Variants in MYRIP observed in about 807,000 individuals in gnomAD.
MYRIP encodes rab effector MyRIP.
A neutral mutation model predicts 98.0 loss-of-function variants in MYRIP; 49 were observed. The ratio of observed to expected loss-of-function variants is 0.50; its 90% CI spans 0.40 to 0.63. The LOEUF (loss-of-function observed/expected upper bound fraction) is 0.63, where lower values mean the gene tolerates loss of function less well. Ranked by LOEUF, MYRIP falls within the 30% of genes least tolerant of loss-of-function variation. The pLI, the probability that MYRIP is intolerant of heterozygous loss-of-function variation, is 0.00. For missense variants in MYRIP, 1,004 were observed against 1,058.2 expected (o/e 0.95, Z 0.71); for synonymous variants, 404 against 409.5 (o/e 0.99, Z 0.16).
At chr3:40,074,607 C>A (rs1230496643) in intron 3 of MYRIP, among the ~76,000 whole-genome samples, 1 of 151,802 alleles carries the variant, frequency 6.6e-6, no homozygotes, top group Non-Finnish European at 1.5e-5. Flanking sequence ...CCAAGGAAAG[C>A]AGAAAAAATG....
At chr3:40,175,048 G>A (rs1950718531) in intron 8 of MYRIP, among the ~76,000 whole-genome samples, 1 of 152,112 alleles carries the variant, frequency 6.6e-6, no homozygotes, top group African/African-American at 2.4e-5. Context: ...GGCTGAGGCA[G>A]GAGAATGGCA....
At chr3:40,096,668 G>A (rs963777137) in intron 3 of MYRIP, among the ~76,000 whole-genome samples, 1 of 152,178 alleles carries the variant, frequency 6.6e-6, no homozygotes, top group Non-Finnish European at 1.5e-5. Flanking sequence ...CAGCCCCAGG[G>A]GAGCTGCTAT....
At chr3:39,877,907 T>G (rs1282699524) in intron 1 of MYRIP, among the ~76,000 whole-genome samples, 1 of 152,176 alleles carries the variant, frequency 6.6e-6, no homozygotes, top group African/African-American at 2.4e-5. Context: ...TCTGCAGAGG[T>G]TACTGCTGTC....
intron 1 of MYRIP, among the ~76,000 whole-genome samples, chr3:39,823,560 A>G (rs1941178910): frequency 6.6e-6 from 1 of 152,220 alleles, no homozygotes; most frequent in South Asian, 2.1e-4. Flanking sequence ...CTGGGGTAAG[A>G]TGAAGACTCA....
intron 10 of MYRIP, among the ~76,000 whole-genome samples, chr3:40,196,081 A>G (rs1331784272): frequency 6.6e-6 from 1 of 152,092 alleles, no homozygotes; most frequent in East Asian, 1.9e-4. Flanking sequence ...CCTCTAGTTT[A>G]TAGATTTTTT....
intron 3 of MYRIP, among the ~76,000 whole-genome samples, chr3:40,133,955 C>T (rs1000091523): frequency 4.6e-5 from 7 of 152,266 alleles, no homozygotes; most frequent in East Asian, 3.9e-4. Context: ...CCAGCATGAG[C>T]GATGCAAAAG....
chr3:40,061,280 C>T (rs150538740), intron 3 of MYRIP, among the ~76,000 whole-genome samples: 91 of 152,242 alleles, frequency 6.0e-4, no homozygotes, highest in Admixed American at 1.7e-3. Flanking sequence ...TTCCCTTCCT[C>T]GTGTTCATGA....
intron 1 of MYRIP, among the ~76,000 whole-genome samples, chr3:39,876,478 A>G (rs1243926964): frequency 1.3e-5 from 2 of 151,916 alleles, no homozygotes; most frequent in African/African-American, 2.4e-5. Context: ...AGTGGTTGGT[A>G]CCGGTTGTTC....
In MYRIP at chr3:40,212,248, A is replaced by G. The variant is rs1184118633; in HGVS notation, c.1905+2155A>G. 9.1e-3 allele frequency among the ~76,000 whole-genome samples: 1,025 copies of G among 112,946 alleles called. 272 individuals carry two copies. The highest frequency in any genetic ancestry group is 0.065 in the Admixed American group (647 of 9,972). The allele number at this position is 112,946 out of a possible 152,430, so 74.1% of individuals were successfully genotyped here. On this transcript the variant is annotated intron_variant, in intron 11 of 16. Transcript: ENST00000302541. ...TATACACACACACACACACACACAT[A>G]TATATATATACACGTATATATATAG...
intron 4 of MYRIP, among the ~76,000 whole-genome samples, chr3:40,156,603 T>C (rs1471484837): frequency 6.6e-6 from 1 of 151,870 alleles, no homozygotes; most frequent in Non-Finnish European, 1.5e-5. Context: ...ATTTTCACGA[T>C]ATTGATTCTT....
At chr3:40,005,086 G>T (rs936180007) in intron 2 of MYRIP, among the ~76,000 whole-genome samples, 7 of 152,188 alleles carry the variant, frequency 4.6e-5, no homozygotes, top group Non-Finnish European at 1.0e-4. Context: ...CTGCATCCAG[G>T]TTGCTGCAAA....
chr3:40,043,382 A>C (rs967580393), intron 2 of MYRIP, among the ~76,000 whole-genome samples: 2 of 151,722 alleles, frequency 1.3e-5, no homozygotes, highest in Non-Finnish European at 2.9e-5. Flanking sequence ...ACCTGTTGGC[A>C]GTGTATTTTT....
chr3:40,126,364 G>A (rs915623721), intron 3 of MYRIP, among the ~76,000 whole-genome samples: 2 of 152,182 alleles, frequency 1.3e-5, no homozygotes, highest in African/African-American at 2.4e-5. Context: ...TTTTGGTTAA[G>A]ATGAAATGTA....
intron 2 of MYRIP, among the ~76,000 whole-genome samples, chr3:39,945,416 G>T (rs1944877626): frequency 7.1e-6 from 1 of 141,626 alleles, no homozygotes; most frequent in South Asian, 2.3e-4. Flanking sequence ...GGCAGAGGTT[G>T]CAGTGAGCTA....
chr3:40,011,252 G>A (rs1700591042), intron 2 of MYRIP, among the ~76,000 whole-genome samples: 1 of 152,140 alleles, frequency 6.6e-6, no homozygotes, highest in Non-Finnish European at 1.5e-5. Flanking sequence ...CTAGTCACAT[G>A]GCCACACCTA....
rs376021280 is a variant in MYRIP at position 40,181,189 on chromosome 3, A to T, written c.874-1031A>T. Among the ~76,000 whole-genome samples the T allele has an allele frequency of 3.4e-4, 52 of 152,236 alleles. No individual in the cohort carries two copies. The South Asian group carries it at 0.01, about 30-fold the overall frequency. Reference sequence around the variant, plus strand: ...AGTTTCCACGACTCTCAAGGAATTAAGTCACTTGGCCAAGGTAGTGTAGCC... The same window carrying T: ...AGTTTCCACGACTCTCAAGGAATTATGTCACTTGGCCAAGGTAGTGTAGCC... On this transcript the variant is annotated intron_variant, in intron 8 of 16. Transcript: ENST00000302541.
intron 4 of MYRIP, among the ~76,000 whole-genome samples, chr3:40,159,748 T>A (rs566266844): frequency 6.6e-6 from 1 of 152,210 alleles, no homozygotes; most frequent in South Asian, 2.1e-4. Flanking sequence ...ATTCATTTCA[T>A]CTTCCATCAC....
At chr3:39,916,228 C>T (rs1944156247) in intron 2 of MYRIP, among the ~76,000 whole-genome samples, 1 of 151,794 alleles carries the variant, frequency 6.6e-6, no homozygotes, top group Admixed American at 6.6e-5. Flanking sequence ...TCAATAAAAA[C>T]CCCAGTTCAT....
chr3:39,914,443 TC>T (rs1387500917), intron 2 of MYRIP, among the ~76,000 whole-genome samples: 1 of 152,026 alleles, frequency 6.6e-6, no homozygotes, highest in Non-Finnish European at 1.5e-5. Context: ...ATTATTAAAA[TC>T]CCAGTTCATT....
Sources: allele counts gnomAD v4.1 joint callset (sites outside exome capture counted in the v4.1 genomes callset), GRCh38; gene constraint gnomAD v4.1.1; transcripts MANE v1.5; gene names NCBI Gene and HGNC (gene_info 2026-07-23, HGNC 2026-07-21).